ADAM12: variants seen among roughly 807,000 people sequenced by gnomAD.
ADAM12 encodes ADAM metallopeptidase domain 12.
A neutral mutation model predicts 106.4 loss-of-function variants in ADAM12; 70 were observed. The observed-to-expected ratio is 0.66, with a 90% CI of 0.54 to 0.80. ADAM12 has a LOEUF of 0.80. ADAM12 is among the 30% of genes least tolerant of loss of function. ADAM12 has a pLI of 0.00. For missense variants in ADAM12, 1,010 were observed against 1,171.9 expected (o/e 0.86, Z 2.02); for synonymous variants, 420 against 433.5 (o/e 0.97, Z 0.39).
chr10:126,296,012 A>T (rs1202797098), intron 2 of ADAM12, among the ~76,000 whole-genome samples: 1 of 152,132 alleles, frequency 6.6e-6, no homozygotes, highest in Non-Finnish European at 1.5e-5. Flanking sequence ...ACCAATTCCA[A>T]GTTCTGGCAG....
intron 5 of ADAM12, among the ~76,000 whole-genome samples, chr10:126,134,302 T>A (rs758259363): frequency 6.6e-6 from 1 of 152,238 alleles, no homozygotes; most frequent in Non-Finnish European, 1.5e-5. Context: ...GTCTGCTAAC[T>A]TGGAGAGACA....
intron 21 of ADAM12, among the ~76,000 whole-genome samples, chr10:126,028,049 C>A (rs1437600183): frequency 6.6e-6 from 1 of 152,104 alleles, no homozygotes; most frequent in African/African-American, 2.4e-5. Flanking sequence ...CACCAACAGG[C>A]AAGCCAACAG....
At chr10:126,299,757 C>T (rs1960538153) in intron 2 of ADAM12, among the ~76,000 whole-genome samples, 1 of 152,140 alleles carries the variant, frequency 6.6e-6, no homozygotes, top group African/African-American at 2.4e-5. Flanking sequence ...AATTCTCCTG[C>T]CTCAGCCTTC....
chr10:126,156,423 G>T (rs1467495654), intron 3 of ADAM12, among the ~76,000 whole-genome samples: 1 of 152,148 alleles, frequency 6.6e-6, no homozygotes, highest in East Asian at 1.9e-4. Context: ...CATTTACATA[G>T]GGCGCACACG....
intron 21 of ADAM12, among the ~76,000 whole-genome samples, chr10:126,029,608 A>G (rs560411337): frequency 3.9e-5 from 6 of 152,218 alleles, no homozygotes; most frequent in Non-Finnish European, 8.8e-5. Flanking sequence ...ATGGATGCCC[A>G]GCTTAATACC....
intron 2 of ADAM12, among the ~76,000 whole-genome samples, chr10:126,298,754 G>A (rs184687657): frequency 3.2e-4 from 48 of 152,078 alleles, no homozygotes; most frequent in Admixed American, 2.8e-3. Flanking sequence ...GAAAAACAGA[G>A]ACAAAGAAAA....
rs575845556 is a variant in ADAM12 at position 126,145,298 on chromosome 10, T to C, written c.340-9638A>G. On this transcript the variant is annotated intron_variant, in intron 4 of 22. Coordinates refer to ENST00000448723, the MANE Select transcript of ADAM12 (RefSeq NM_001288973.2). The stretch of plus-strand genomic sequence containing the variant: ...CTCTCCTCATATTCCAGGACTTTGG[T>C]TCAGCTGCTCTCCCCCAAGAGCATT... Among the ~76,000 whole-genome samples the C allele has an allele frequency of 2.0e-5, 3 of 152,242 alleles. No individual in the cohort carries two copies. In the East Asian group the frequency reaches 5.8e-4, roughly 29 times the overall value.
At position 126,329,827 on chromosome 10, in the gene ADAM12, A is replaced by AT. The variant is rs371790723; in HGVS notation, c.186+584dup. On this transcript the variant is annotated intron_variant, in intron 2 of 22. Coordinates refer to ENST00000448723, the MANE Select transcript of ADAM12 (RefSeq NM_001288973.2). ...CTTCAAAGAGCTCATATTTCCATAG[A>AT]TTTTTATCACTTTCCAACTGTTCCT... is the stretch of plus-strand genomic sequence containing the variant. Among the ~76,000 whole-genome samples, 38 of 152,300 alleles carry AT rather than the reference A, an allele frequency of 2.5e-4. 1 individual carries two copies. The highest frequency in any genetic ancestry group is 3.4e-3 in the Middle Eastern group (1 of 294).
At position 126,336,631 on chromosome 10, in the gene ADAM12, T is replaced by G. The variant is rs76943126; in HGVS notation, c.89-6122A>C. Among the ~76,000 whole-genome samples, 236 of 152,254 alleles carry G rather than the reference T, an allele frequency of 1.6e-3. 6 individuals are homozygous for G. In the East Asian group the frequency reaches 0.04, roughly 26 times the overall value. ...GCAAGTTGAAATAAAAACTTAAGAT[T>G]TTTTGCATCATTGGCTACAAGGGTC... On this transcript the variant is annotated intron_variant, in intron 1 of 22. Transcript: ENST00000448723.
At chr10:126,141,544 A>G (rs1385951623) in intron 4 of ADAM12, among the ~76,000 whole-genome samples, 3 of 152,250 alleles carry the variant, frequency 2.0e-5, no homozygotes, top group Non-Finnish European at 2.9e-5. Context: ...CAGTAGAACA[A>G]CTTTTCCTTC....
At chr10:126,300,655 G>A (rs1440155079) in intron 2 of ADAM12, among the ~76,000 whole-genome samples, 2 of 152,070 alleles carry the variant, frequency 1.3e-5, no homozygotes, top group Admixed American at 1.3e-4. Context: ...TTACCACAGA[G>A]CTTATTACCA....
chr10:126,336,903 G>A (rs1214728287), intron 1 of ADAM12, among the ~76,000 whole-genome samples: 2 of 152,190 alleles, frequency 1.3e-5, no homozygotes, highest in African/African-American at 4.8e-5. Flanking sequence ...CAATGACCCT[G>A]GGCAAGTTGC....
At position 126,017,970 on chromosome 10, in the gene ADAM12, A is replaced by G. The variant is rs116815326; in HGVS notation, c.2661-631T>C. Among the ~76,000 whole-genome samples the G allele has an allele frequency of 7.8e-3, 1,182 of 152,368 alleles. 13 individuals are homozygous for G. The highest frequency in any genetic ancestry group is 0.027 in the African/African-American group (1,113 of 41,576). ...TAGTGTTTCTTCCTCAAATAGAACA[A>G]GAAAAATAACTTCAAGATCAACATG... On this transcript the variant is annotated intron_variant, in intron 22 of 22. Transcript: ENST00000448723.
intron 3 of ADAM12, among the ~76,000 whole-genome samples, chr10:126,215,094 C>T (rs945272353): frequency 2.0e-5 from 3 of 152,226 alleles, no homozygotes; most frequent in African/African-American, 7.2e-5. Flanking sequence ...TCTGTCCAGG[C>T]CAGCCTCCCC....
rs147578888 is a variant in ADAM12 at position 126,295,548 on chromosome 10, T to TACACACAC, written c.187-16568_187-16561dup. Among the ~76,000 whole-genome samples the TACACACAC allele has an allele frequency of 1.1e-4, 16 of 146,636 alleles. No individual in the cohort carries two copies. In the East Asian group the frequency reaches 1.2e-3, roughly 11 times the overall value. On this transcript the variant is annotated intron_variant, in intron 2 of 22. Coordinates refer to ENST00000448723, the MANE Select transcript of ADAM12 (RefSeq NM_001288973.2). ...CCACAAAAATACACACACACACACA[T>TACACACAC]ACACACACACACACACACACACATC...
intron 2 of ADAM12, among the ~76,000 whole-genome samples, chr10:126,322,614 G>C (rs954872813): frequency 6.6e-6 from 1 of 152,214 alleles, no homozygotes; most frequent in Non-Finnish European, 1.5e-5. Context: ...GGACAGGAGA[G>C]AGGCTGGCAT....
Position 126,312,245 on chromosome 10 carries a change from T to TGA in ADAM12, c.186+18165_186+18166dup, listed in dbSNP as rs1367727453. ...CAATGAGACGACGTCAGAGAGGCTG[T>TGA]GAGAAACCCATGGCAGAGCACCAGC... On this transcript the variant is annotated intron_variant, in intron 2 of 22. Transcript: ENST00000448723. Among the ~76,000 whole-genome samples the TGA allele has an allele frequency of 4.0e-5, 6 of 151,702 alleles. No individual in the cohort carries two copies. In the East Asian group the frequency reaches 1.2e-3, roughly 30 times the overall value.
At chr10:126,316,650 A>G (rs1015216460) in intron 2 of ADAM12, among the ~76,000 whole-genome samples, 1 of 152,114 alleles carries the variant, frequency 6.6e-6, no homozygotes, top group Non-Finnish European at 1.5e-5. Context: ...TGAGCTCAGG[A>G]GTTTGAGACC....
intron 14 of ADAM12, among the ~76,000 whole-genome samples, chr10:126,062,740 A>C (rs1475350224): frequency 6.6e-6 from 1 of 152,124 alleles, no homozygotes; most frequent in Admixed American, 6.5e-5. Context: ...TAAGGAACAC[A>C]TTTCACTCCC....
Sources: gnomAD v4.1 joint callset for allele counts (sites outside exome capture counted in the v4.1 genomes callset) on GRCh38, gnomAD v4.1.1 for gene constraint, MANE v1.5 for transcripts, NCBI Gene and HGNC (gene_info 2026-07-23, HGNC 2026-07-21) for gene names.